Variants in RGS6 observed in about 807,000 individuals in gnomAD.
RGS6 encodes regulator of G-protein signaling 6.
In RGS6, 30 loss-of-function variants were observed where a neutral mutation model predicts 78.5. That is an observed-to-expected ratio of 0.38 (90% confidence interval 0.29 to 0.52). The LOEUF (loss-of-function observed/expected upper bound fraction) is 0.52. RGS6 is among the 20% of genes least tolerant of loss of function. The pLI is 0.85. For missense variants in RGS6, 495 were observed against 609.7 expected, an observed-to-expected ratio of 0.81 and a Z score of 1.98; for synonymous variants, 206 against 206.0, an observed-to-expected ratio of 1.00 and a Z score of 0.00.
At chr14:72,175,501 G>T (rs772015912) in intron 2 of RGS6, among the ~76,000 whole-genome samples, 1 of 152,162 alleles carries the variant, frequency 6.6e-6, no homozygotes, top group African/African-American at 2.4e-5. Flanking sequence ...TGTTCTAGGC[G>T]TGGGGCTGGG....
chr14:72,589,541 C>T, the RGS6 span, among the ~76,000 whole-genome samples: 8 of 152,042 alleles, frequency 5.3e-5, no homozygotes, highest in African/African-American at 9.7e-5. Context: ...CAGAATGAGA[C>T]GCTGTCTCAA....
Position 72,453,668 on chromosome 14 carries a change from T to C in RGS6, c.185-860T>C, listed in dbSNP as rs536458565. On this transcript the variant is annotated intron_variant, in intron 3 of 17. Coordinates refer to ENST00000553525, the MANE Select transcript of RGS6 (RefSeq NM_001204424.2). ...TCCTTCAGACTCTTAAGATTTATAT[T>C]CGTTAAGGTAATACTAGATACCAAA... 4.0e-5 allele frequency among the ~76,000 whole-genome samples: 6 copies of C among 149,552 alleles called. No homozygotes were observed. In the East Asian group the frequency reaches 9.8e-4, roughly 24 times the overall value.
intron 2 of RGS6, among the ~76,000 whole-genome samples, chr14:71,998,801 T>A (rs2153216011): frequency 6.6e-6 from 1 of 152,328 alleles, no homozygotes; most frequent in East Asian, 1.9e-4. Flanking sequence ...GGGGTCTTAT[T>A]TTGTAAGGGT....
Position 72,474,668 on chromosome 14 carries a change from G to A in RGS6, c.662G>A (p.Arg221Gln), listed in dbSNP as rs1024159192. 12 of 1,613,334 alleles carry A rather than the reference G, an allele frequency of 7.4e-6. No individual in the cohort carries two copies. The highest frequency in any genetic ancestry group is 1.3e-5 in the African/African-American group (1 of 74,808). Residue 221 changes from arginine to glutamine, a missense_variant, in exon 10 of 18, where the codon CGA becomes CAA. By Grantham distance (43) the Arg-to-Gln change is conservative. Transcript: ENST00000553525. ...ACAGAAATGGATATCCGAAAATGTCGACGTTTGAAGAATCCACAAAAGGTT... is the reference window on the plus strand; with the variant it reads ...ACAGAAATGGATATCCGAAAATGTCAACGTTTGAAGAATCCACAAAAGGTT... ...NTTEMDIRKCRRLKNPQKVKK... is the reference protein window; with the variant it reads ...NTTEMDIRKCQRLKNPQKVKK...
intron 2 of RGS6, among the ~76,000 whole-genome samples, chr14:72,285,739 T>TTGA (rs1475677095): frequency 2.0e-5 from 3 of 152,238 alleles, no homozygotes; most frequent in Non-Finnish European, 4.4e-5. Context: ...CATTGTATTT[T>TTGA]TGATGTGCAT....
At chr14:72,084,435 A>C (rs974321058) in intron 2 of RGS6, among the ~76,000 whole-genome samples, 2 of 152,186 alleles carry the variant, frequency 1.3e-5, no homozygotes, top group African/African-American at 4.8e-5. Flanking sequence ...TGGATTAAGC[A>C]ATTAAGGATC....
At chr14:72,541,634 A>ATC in intron 17 of RGS6, 1 of 1,534,698 alleles carries the variant, frequency 6.5e-7, no homozygotes, top group Non-Finnish European at 8.7e-7. Context: ...GTGGGATCCC[A>ATC]TCTCTCTCTG....
chr14:72,214,182 T>A (rs538689036), intron 2 of RGS6, among the ~76,000 whole-genome samples: 105 of 151,504 alleles, frequency 6.9e-4, no homozygotes, highest in South Asian at 1.9e-3. Flanking sequence ...TTCTTATTTT[T>A]TTTTTTTTTT....
chr14:71,918,109 G>A, the RGS6 span, among the ~76,000 whole-genome samples: 4 of 147,488 alleles, frequency 2.7e-5, no homozygotes, highest in African/African-American at 9.9e-5. Flanking sequence ...TGAACCCGGG[G>A]GGCGGAGCTT....
intron 2 of RGS6, among the ~76,000 whole-genome samples, chr14:72,247,034 C>G (rs1372929351): frequency 6.6e-6 from 1 of 152,136 alleles, no homozygotes; most frequent in East Asian, 1.9e-4. Context: ...CAGGCTCTCT[C>G]CTCTCCTTCC....
intron 2 of RGS6, among the ~76,000 whole-genome samples, chr14:72,188,073 G>C (rs1379938473): frequency 1.3e-5 from 2 of 151,758 alleles, no homozygotes; most frequent in African/African-American, 4.8e-5. Flanking sequence ...TCCAAGGATA[G>C]TGCCAGCCTA....
At chr14:72,328,518 A>C (rs2074294966) in intron 2 of RGS6, among the ~76,000 whole-genome samples, 1 of 152,184 alleles carries the variant, frequency 6.6e-6, no homozygotes, top group African/African-American at 2.4e-5. Context: ...CTAGATCACC[A>C]AGCCATTTAG....
intron 3 of RGS6, among the ~76,000 whole-genome samples, chr14:72,408,362 T>A (rs2093123372): frequency 6.6e-6 from 1 of 152,218 alleles, no homozygotes; most frequent in African/African-American, 2.4e-5. Flanking sequence ...TTTAGTATAA[T>A]AATGTACAGA....
rs2096868554 is a variant in RGS6 at position 72,510,744 on chromosome 14, G to A, written c.1091+465G>A. Among the ~76,000 whole-genome samples the A allele has an allele frequency of 4.6e-5, 7 of 152,296 alleles. No individual in the cohort carries two copies. The South Asian group carries it at 1.5e-3, about 32-fold the overall frequency. ...CAAAGAGCAAAGTAAATATCACTCAGTAACTGGTGATGTAACTGTAGCAGC... is the reference window on the plus strand; with the variant it reads ...CAAAGAGCAAAGTAAATATCACTCAATAACTGGTGATGTAACTGTAGCAGC... On this transcript the variant is annotated intron_variant, in intron 14 of 17. Transcript: ENST00000553525.
At chr14:72,050,919 G>A (rs2093196277) in intron 2 of RGS6, among the ~76,000 whole-genome samples, 1 of 151,952 alleles carries the variant, frequency 6.6e-6, no homozygotes, top group East Asian at 1.9e-4. Flanking sequence ...ATACTGAGGG[G>A]CGACTGGATT....
In RGS6 at chr14:72,316,364, C is replaced by A. The variant is rs138230554; in HGVS notation, c.85-35731C>A. 8.2e-3 allele frequency among the ~76,000 whole-genome samples: 1,249 copies of A among 152,196 alleles called. 11 individuals carry two copies. The highest frequency in any genetic ancestry group is 0.031 in the South Asian group (147 of 4,808). On this transcript the variant is annotated intron_variant, in intron 2 of 17. Transcript: ENST00000553525. ...AATTCATCATTTACATTAGGTATTT[C>A]TCCTAATGCTATCCCTCCCCCATGC...
intron 13 of RGS6, among the ~76,000 whole-genome samples, chr14:72,508,174 A>C (rs2096832737): frequency 6.6e-6 from 1 of 152,112 alleles, no homozygotes; most frequent in African/African-American, 2.4e-5. Context: ...GCAGAGTTGC[A>C]AGCCAGAGGC....
At chr14:72,448,294 C>T (rs187731620) in intron 3 of RGS6, among the ~76,000 whole-genome samples, 15 of 152,310 alleles carry the variant, frequency 9.8e-5, no homozygotes, top group East Asian at 1.9e-4. Context: ...AAATTTGCCA[C>T]GCTTTTCCTT....
At chr14:72,239,389 C>T (rs533386934) in intron 2 of RGS6, among the ~76,000 whole-genome samples, 45 of 152,272 alleles carry the variant, frequency 3.0e-4, no homozygotes, top group African/African-American at 1.1e-3. Context: ...CTGGAGCCTG[C>T]GTTTGATTAA....
Sources: allele counts gnomAD v4.1 joint callset (sites outside exome capture counted in the v4.1 genomes callset), GRCh38; gene constraint gnomAD v4.1.1; transcripts MANE v1.5; gene names NCBI Gene and HGNC (gene_info 2026-07-23, HGNC 2026-07-21).